Variants in ADGRL3 observed in about 807,000 individuals in gnomAD.
ADGRL3 encodes adhesion G protein-coupled receptor L3.
In ADGRL3, 62 loss-of-function variants were observed where a neutral mutation model predicts 153.5. The ratio of observed to expected loss-of-function variants is 0.40; its 90% confidence interval spans 0.33 to 0.50. The LOEUF (loss-of-function observed/expected upper bound fraction) is 0.50. Ranked by LOEUF, ADGRL3 falls within the 20% of genes least tolerant of loss-of-function variation. The pLI is 0.47. For synonymous variants in ADGRL3, 710 were observed against 672.5 expected, an observed-to-expected ratio of 1.06 and a Z score of -0.86; for missense variants, 1,641 against 1,859.4, an observed-to-expected ratio of 0.88 and a Z score of 2.16.
intron 13 of ADGRL3, 79 bp from the exon 14 acceptor site, chr4:61,934,761 G>A: frequency 1.8e-6 from 2 of 1,107,772 alleles, no homozygotes; most frequent in Non-Finnish European, 2.7e-6. Context: ...CTTGCTTGCT[G>A]GGCAACATGT....
chr4:61,448,774 AGGAG>A (rs1395629628), intron 2 of ADGRL3, among the ~76,000 whole-genome samples: 25 of 17,348 alleles, frequency 1.4e-3, no homozygotes, highest in African/African-American at 2.3e-3. Context: ...AAGAGAGGGA[AGGAG>A]GGAAGGAGGG....
intron 2 of ADGRL3, among the ~76,000 whole-genome samples, chr4:61,434,859 A>T (rs977651218): frequency 6.6e-6 from 1 of 152,122 alleles, no homozygotes; most frequent in Non-Finnish European, 1.5e-5. Context: ...AAAATTAAAG[A>T]TGTACATCTC....
chr4:61,265,191 A>G (rs1168721709), intron 1 of ADGRL3, among the ~76,000 whole-genome samples: 1 of 151,952 alleles, frequency 6.6e-6, no homozygotes, highest in Non-Finnish European at 1.5e-5. Context: ...AATAGTTCTT[A>G]TTTCTGGGAA....
chr4:61,688,904 C>CTT (rs2095492804), intron 6 of ADGRL3, among the ~76,000 whole-genome samples: 1 of 152,188 alleles, frequency 6.6e-6, no homozygotes, highest in African/African-American at 2.4e-5. Flanking sequence ...CAGTTGCTTT[C>CTT]TTTAACCCCA....
At chr4:61,718,461 A>G (rs983814193) in intron 6 of ADGRL3, among the ~76,000 whole-genome samples, 2 of 152,226 alleles carry the variant, frequency 1.3e-5, no homozygotes, top group South Asian at 2.1e-4. Flanking sequence ...TTGTCATTAC[A>G]TAGTTGTTCC....
intron 9 of ADGRL3, among the ~76,000 whole-genome samples, chr4:61,871,997 TTATTTTCA>T (rs1344450476): frequency 3.3e-5 from 5 of 152,248 alleles, no homozygotes; most frequent in African/African-American, 9.6e-5. Context: ...AATATTTGAC[TTATTTTCA>T]TATTTATTGT....
intron 1 of ADGRL3, among the ~76,000 whole-genome samples, chr4:61,377,629 T>A (rs564419673): frequency 1.3e-5 from 2 of 152,156 alleles, no homozygotes; most frequent in South Asian, 4.1e-4. Context: ...ATCAGTGAGA[T>A]TTTAAATAAT....
intron 13 of ADGRL3, among the ~76,000 whole-genome samples, chr4:61,918,910 T>C (rs1348323364): frequency 6.6e-6 from 1 of 152,214 alleles, no homozygotes; most frequent in Non-Finnish European, 1.5e-5. Context: ...ATGCCAGTTT[T>C]ACTTGCGTGC....
chr4:61,227,228 T>C (rs976719794), intron 1 of ADGRL3, among the ~76,000 whole-genome samples: 3 of 152,042 alleles, frequency 2.0e-5, no homozygotes, highest in African/African-American at 4.8e-5. Flanking sequence ...TCTTTTGAGA[T>C]AGGATCTTAC....
intron 5 of ADGRL3, among the ~76,000 whole-genome samples, chr4:61,620,172 C>T (rs367652037): frequency 6.6e-6 from 1 of 151,764 alleles, no homozygotes; most frequent in South Asian, 2.1e-4. Flanking sequence ...ACAGATTAAA[C>T]TCATATAACT....
chr4:61,710,727 A>G (rs2095959656), intron 6 of ADGRL3, among the ~76,000 whole-genome samples: 1 of 152,226 alleles, frequency 6.6e-6, no homozygotes, highest in African/African-American at 2.4e-5. Flanking sequence ...AATTTCATTC[A>G]ATAATGTAGC....
At chr4:61,259,347 C>CGGGAGGCGGAGTTTGCA (rs1413746849) in intron 1 of ADGRL3, among the ~76,000 whole-genome samples, 1 of 151,788 alleles carries the variant, frequency 6.6e-6, no homozygotes, top group East Asian at 1.9e-4. Context: ...GGCGTGAACC[C>CGGGAGGCGGAGTTTGCA]GGGAGGCGGA....
chr4:61,274,027 C>A lies in ADGRL3; in HGVS notation c.-240+72262C>A, dbSNP rs570926745. Among the ~76,000 whole-genome samples the A allele has an allele frequency of 3.3e-5, 5 of 152,170 alleles. No individual in the cohort carries two copies. The South Asian group carries it at 6.2e-4, about 19-fold the overall frequency. ...TAAAGCATGCTAAGGTGACCTTTAT[C>A]TTTCTATTAAAAGGTGAATCCATAT... is the stretch of plus-strand genomic sequence containing the variant. On this transcript the variant is annotated intron_variant, in intron 1 of 26. Coordinates refer to ENST00000683033, the MANE Select transcript of ADGRL3 (RefSeq NM_001387552.1).
intron 6 of ADGRL3, chr4:61,677,137 G>A: frequency 2.0e-6 from 1 of 496,210 alleles, no homozygotes; most frequent in South Asian, 2.7e-5. Context: ...GCATTTACTT[G>A]TGATTATTTC....
At chr4:61,748,748 A>G (rs1182192499) in intron 8 of ADGRL3, among the ~76,000 whole-genome samples, 3 of 152,202 alleles carry the variant, frequency 2.0e-5, no homozygotes, top group Non-Finnish European at 4.4e-5. Context: ...ACCTAAAATC[A>G]TAAAAACCCT....
At chr4:62,037,646 A>G in intron 23 of ADGRL3, 85 bp from the exon 24 acceptor site, 1 of 1,418,306 alleles carries the variant, frequency 7.1e-7, no homozygotes, top group Non-Finnish European at 9.9e-7. Context: ...ACATTATCTA[A>G]AAATAAAACT....
intron 5 of ADGRL3, among the ~76,000 whole-genome samples, chr4:61,627,885 G>A (rs940865937): frequency 6.6e-6 from 1 of 152,066 alleles, no homozygotes; most frequent in Non-Finnish European, 1.5e-5. Flanking sequence ...ACTGTCATAT[G>A]TTTTGTGTTT....
intron 1 of ADGRL3, among the ~76,000 whole-genome samples, chr4:61,382,534 A>G (rs1270004007): frequency 6.6e-6 from 1 of 151,922 alleles, no homozygotes; most frequent in East Asian, 1.9e-4. Context: ...TAAAAACTCA[A>G]ATGCCTCTAT....
At chr4:61,215,870 C>T (rs1742548727) in intron 1 of ADGRL3, among the ~76,000 whole-genome samples, 1 of 151,920 alleles carries the variant, frequency 6.6e-6, no homozygotes, top group African/African-American at 2.4e-5. Context: ...CTTAGTCTTG[C>T]CCTTGAGAGT....
Sources: gnomAD v4.1 joint callset for allele counts (sites outside exome capture counted in the v4.1 genomes callset) on GRCh38, gnomAD v4.1.1 for gene constraint, MANE v1.5 for transcripts, NCBI Gene and HGNC (gene_info 2026-07-23, HGNC 2026-07-21) for gene names.